The following FER variants were observed in gnomAD, a reference collection of about 807,000 sequenced individuals.
FER encodes the protein tyrosine-protein kinase Fer.
A neutral mutation model predicts 111.0 loss-of-function variants in FER; 63 were observed. The ratio of observed to expected loss-of-function variants is 0.57; its 90% confidence interval spans 0.46 to 0.70. The LOEUF (loss-of-function observed/expected upper bound fraction) is 0.70. FER is among the 30% of genes least tolerant of loss of function. FER has a pLI of 0.00. For synonymous variants in FER, 327 were observed against 313.9 expected, an observed-to-expected ratio of 1.04 and a Z score of -0.44; for missense variants, 914 against 954.0, an observed-to-expected ratio of 0.96 and a Z score of 0.55.
chr5:109,097,179 T>C (rs1747645675), intron 16 of FER, among the ~76,000 whole-genome samples: 1 of 151,848 alleles, frequency 6.6e-6, no homozygotes, highest in Admixed American at 6.6e-5. Context: ...AGCCGCATGG[T>C]TAATCAGACC....
intron 17 of FER, among the ~76,000 whole-genome samples, chr5:109,101,084 C>G (rs1748171051): frequency 6.6e-6 from 1 of 151,862 alleles, no homozygotes; most frequent in Non-Finnish European, 1.5e-5. Context: ...GAAACTTGTT[C>G]TGATTGTATG....
At chr5:108,897,614 G>A (rs1401238011) in intron 9 of FER, 45 bp from the exon 10 acceptor site, 2 of 1,372,418 alleles carry the variant, frequency 1.5e-6, no homozygotes, top group East Asian at 5.2e-5. Flanking sequence ...TTTCCTTAAT[G>A]TCTTCTTAAT....
chr5:109,184,562 T>G (rs1398244289), intron 18 of FER, among the ~76,000 whole-genome samples: 1 of 152,158 alleles, frequency 6.6e-6, no homozygotes, highest in Non-Finnish European at 1.5e-5. Context: ...GATATTATCT[T>G]ACAAAATAAG....
At chr5:108,950,191 G>A (rs1757532890) in intron 11 of FER, among the ~76,000 whole-genome samples, 1 of 152,130 alleles carries the variant, frequency 6.6e-6, no homozygotes. Context: ...TGATACTTGA[G>A]TTTGGCTTAG....
At chr5:109,072,801 C>G (rs759970083) in intron 16 of FER, among the ~76,000 whole-genome samples, 20 of 152,024 alleles carry the variant, frequency 1.3e-4, no homozygotes, top group Non-Finnish European at 2.4e-4. Context: ...TTAGAAAGTT[C>G]AAAATCAAGG....
At chr5:108,898,708 C>T (rs1749554014) in intron 10 of FER, among the ~76,000 whole-genome samples, 2 of 147,658 alleles carry the variant, frequency 1.4e-5, no homozygotes, top group African/African-American at 5.0e-5. Flanking sequence ...TTTCCTTTTT[C>T]TATTATCTAC....
intron 17 of FER, among the ~76,000 whole-genome samples, chr5:109,137,675 TAGAA>T (rs1753044896): frequency 6.6e-6 from 1 of 152,048 alleles, no homozygotes; most frequent in African/African-American, 2.4e-5. Context: ...CAAACGAAGG[TAGAA>T]AGATAGGCGG....
chr5:109,040,335 C>A (rs1344242993), intron 14 of FER, among the ~76,000 whole-genome samples: 1 of 152,042 alleles, frequency 6.6e-6, no homozygotes, highest in Admixed American at 6.6e-5. Context: ...GAGCCTTGCC[C>A]ACTCGAACAT....
At chr5:109,042,259 C>A in intron 14 of FER, among the ~76,000 whole-genome samples, 1 of 152,110 alleles carries the variant, frequency 6.6e-6, no homozygotes, top group African/African-American at 2.4e-5. Context: ...AGGGCAGCAG[C>A]AGAGATGAAG....
chr5:109,137,444 G>T (rs1270954456), intron 17 of FER, among the ~76,000 whole-genome samples: 1 of 152,180 alleles, frequency 6.6e-6, no homozygotes, highest in South Asian at 2.1e-4. Context: ...TATCACCAAA[G>T]ACTGTGCTAA....
chr5:109,023,160 T>C (rs72790549), intron 13 of FER, among the ~76,000 whole-genome samples: 19,747 of 152,146 alleles, frequency 0.13, 1,685 homozygotes, highest in Middle Eastern at 0.27. Flanking sequence ...ACAGAAAGTG[T>C]ATGTGTCGAG....
At chr5:108,975,836 A>G (rs926180532) in intron 13 of FER, among the ~76,000 whole-genome samples, 3 of 152,186 alleles carry the variant, frequency 2.0e-5, no homozygotes, top group African/African-American at 4.8e-5. Flanking sequence ...TGGGTGAAAG[A>G]GAGGTTTTAA....
At position 109,189,065 on chromosome 5, in the gene FER, T is replaced by C. The variant is rs1202213540; in HGVS notation, c.*1490T>C. 6.6e-6 allele frequency: 1 copy of C among 152,162 alleles called. No homozygotes were observed. Among genetic ancestry groups the C allele is most frequent in the African/African-American group, 2.4e-5 (1 of 41,418 alleles). 9.4% of individuals were successfully genotyped at this position (152,162 alleles called of 1,614,324 possible). Reference sequence around the variant, plus strand: ...GACCATTATACTGCCCCCTGGACATTCTTACCATTAGCTGACAGGTATGCA... The same window carrying C: ...GACCATTATACTGCCCCCTGGACATCCTTACCATTAGCTGACAGGTATGCA... On this transcript the variant is annotated 3_prime_UTR_variant, in exon 20 of 20. Transcript: ENST00000281092.
chr5:108,935,906 A>G (rs1048458737), intron 10 of FER, among the ~76,000 whole-genome samples: 7 of 152,070 alleles, frequency 4.6e-5, no homozygotes, highest in Non-Finnish European at 1.0e-4. Flanking sequence ...TATTGGAGCA[A>G]TTAAATATAC....
chr5:109,076,071 T>A (rs1377997981), intron 16 of FER, among the ~76,000 whole-genome samples: 1 of 152,132 alleles, frequency 6.6e-6, no homozygotes, highest in Non-Finnish European at 1.5e-5. Context: ...TTTTTCCGAT[T>A]GGAGCTTTAT....
intron 2 of FER, among the ~76,000 whole-genome samples, chr5:108,769,106 C>T (rs947767500): frequency 1.3e-5 from 2 of 152,102 alleles, no homozygotes; most frequent in African/African-American, 2.4e-5. Context: ...GGATTACAGG[C>T]GTGAGCTACT....
intron 9 of FER, among the ~76,000 whole-genome samples, chr5:108,897,010 C>T (rs1388499524): frequency 6.6e-6 from 1 of 152,116 alleles, no homozygotes; most frequent in Non-Finnish European, 1.5e-5. Flanking sequence ...AGGCAGCCTC[C>T]AAGGGTTAAA....
chr5:108,761,500 A>G (rs1282669217), intron 1 of FER, among the ~76,000 whole-genome samples: 2 of 152,140 alleles, frequency 1.3e-5, no homozygotes, highest in African/African-American at 4.8e-5. Flanking sequence ...TTGGTGCCCC[A>G]AAACAATTAA....
intron 17 of FER, among the ~76,000 whole-genome samples, chr5:109,150,464 T>C (rs1006682838): frequency 1.3e-5 from 2 of 152,170 alleles, no homozygotes; most frequent in African/African-American, 4.8e-5. Context: ...TATTACTCTC[T>C]CATAGCACTT....
Sources: allele counts gnomAD v4.1 joint callset (sites outside exome capture counted in the v4.1 genomes callset), GRCh38; gene constraint gnomAD v4.1.1; transcripts MANE v1.5; gene names NCBI Gene and HGNC (gene_info 2026-07-23, HGNC 2026-07-21).